Variants in RYR2 observed in about 807,000 individuals in gnomAD.
The protein encoded by RYR2 is ryanodine receptor 2, also known as cardiac muscle ryanodine receptor-calcium release channel.
Under a neutral mutation model 601.1 loss-of-function variants are expected in RYR2, and 227 were observed. The ratio of observed to expected loss-of-function variants is 0.38; its 90% CI spans 0.34 to 0.42. The LOEUF is 0.42. RYR2 is among the 10% of genes least tolerant of loss of function. The probability of loss-of-function intolerance (pLI) is 1.00; values close to 1 mark genes in which losing one functional copy is unlikely to be tolerated. For synonymous variants in RYR2, 2,223 were observed against 2,175.1 expected (o/e 1.02, Z -0.61); for missense variants, 4,646 against 6,156.5 (o/e 0.75, Z 8.21).
At chr1:237,362,221 A>G (rs908084442) in intron 4 of RYR2, among the ~76,000 whole-genome samples, 2 of 152,204 alleles carry the variant, frequency 1.3e-5, no homozygotes, top group African/African-American at 4.8e-5. Context: ...TTGTGTTTCT[A>G]TGCAAATTAA....
chr1:237,181,595 T>G (rs1678767661), intron 1 of RYR2, among the ~76,000 whole-genome samples: 6 of 152,002 alleles, frequency 3.9e-5, no homozygotes, highest in Admixed American at 3.9e-4. Context: ...GCTGAGACTC[T>G]CATACATACA....
intron 2 of RYR2, among the ~76,000 whole-genome samples, chr1:237,302,195 T>C (rs1490910796): frequency 1.3e-5 from 2 of 152,176 alleles, no homozygotes; most frequent in Non-Finnish European, 2.9e-5. Context: ...CAAAAGCTTT[T>C]CTGTTATTTT....
intron 2 of RYR2, among the ~76,000 whole-genome samples, chr1:237,272,490 C>G (rs1383815442): frequency 6.6e-6 from 1 of 151,126 alleles, no homozygotes; most frequent in South Asian, 2.1e-4. Context: ...CAATTTTTGT[C>G]TGGACATTTG....
chr1:237,328,024 A>G (rs553333906), intron 2 of RYR2, among the ~76,000 whole-genome samples: 3 of 152,360 alleles, frequency 2.0e-5, no homozygotes, highest in African/African-American at 7.2e-5. Context: ...GCTCTTAGAC[A>G]CTGCCAAGGG....
chr1:237,557,519 A>G (rs1671026221), intron 27 of RYR2, among the ~76,000 whole-genome samples: 1 of 152,268 alleles, frequency 6.6e-6, no homozygotes, highest in East Asian at 1.9e-4. Flanking sequence ...TGGAGTTTGA[A>G]AAGTGGCAGT....
In RYR2 at chr1:237,781,663, CTT is replaced by C. The variant is rs1558399659; in HGVS notation, c.11962+20_11962+21del. 1 of 1,312,954 alleles carries C rather than the reference CTT, an allele frequency of 7.6e-7. No individual in the cohort carries two copies. 81.3% of individuals were successfully genotyped at this position (1,312,954 alleles called of 1,614,324 possible). On this transcript the variant is annotated intron_variant, in intron 89 of 104. Transcript: ENST00000366574. ...TGTTAGAAGGTAGTTTTGATTTATA[CTT>C]TTAAATTCTCTTTATTATCTTATTT...
intron 1 of RYR2, among the ~76,000 whole-genome samples, chr1:237,137,016 CAAAAAAA>C (rs1167110660): frequency 0.037 from 1,505 of 41,184 alleles, 36 homozygotes; most frequent in African/African-American, 0.12. Flanking sequence ...GACTCCATCT[CAAAAAAA>C]AAAAAAAAAA....
intron 10 of RYR2, among the ~76,000 whole-genome samples, chr1:237,405,575 A>G (rs4233472): frequency 0.83 from 126,030 of 152,122 alleles, 52,843 homozygotes; most frequent in East Asian, 1. Context: ...ATTTAATTCC[A>G]TCAGAGATGT....
intron 40 of RYR2, 85 bp from the exon 41 acceptor site, chr1:237,627,722 G>C (rs752281340): frequency 2.3e-5 from 31 of 1,345,086 alleles, no homozygotes; most frequent in Admixed American, 8.2e-5. Flanking sequence ...TACCAATTTG[G>C]GGGTACAGGA....
In RYR2 at chr1:237,614,699, G is replaced by A. The variant is rs371934582; in HGVS notation, c.5571G>A (p.Pro1857=). The change falls in exon 37 of 105, where the codon CCG becomes CCA. Residue 1857 remains proline, a synonymous_variant. Transcript: ENST00000366574. The surrounding 1 kb of genome is among the most constrained non-coding windows in gnomAD (Gnocchi z 4.3). ...EPSVFKEAAT[P]EEESDTLEKE... is the part of the protein sequence containing the mutation. ...GTGTGTTTAAAGAAGCTGCCACTCC[G>A]GAGGAGGAGAGTGACACGCTGGAGA... The A allele has an allele frequency of 9.9e-5, 160 of 1,613,888 alleles. 1 individual carries two copies. Among genetic ancestry groups the A allele is most frequent in the Admixed American group, 2.5e-4 (15 of 60,004 alleles).
chr1:237,136,839 A>C (rs1376111650), intron 1 of RYR2, among the ~76,000 whole-genome samples: 1 of 151,972 alleles, frequency 6.6e-6, no homozygotes, highest in East Asian at 1.9e-4. Context: ...AACATGGTGA[A>C]ACCCCATCTC....
chr1:237,680,120 G>A (rs1378531102), intron 61 of RYR2, among the ~76,000 whole-genome samples: 2 of 152,158 alleles, frequency 1.3e-5, no homozygotes, highest in African/African-American at 4.8e-5. Context: ...TTCACACATA[G>A]TAGAGACTCA....
chr1:237,303,481 G>C (rs1352660439), intron 2 of RYR2, among the ~76,000 whole-genome samples: 1 of 151,638 alleles, frequency 6.6e-6, no homozygotes, highest in Non-Finnish European at 1.5e-5. Flanking sequence ...TGTATTTTTA[G>C]TAGAGACGGG....
In RYR2 at chr1:237,643,308, T is replaced by G; in HGVS notation, c.7222-19T>G. On this transcript the variant is annotated intron_variant, in intron 47 of 104. Transcript: ENST00000366574. ...TGATGTCACAAAGTTGTTCTAATGT[T>G]TTTTTTTCCCCTGTATAGTTGATTC... 6.2e-7 allele frequency: 1 copy of G among 1,607,048 alleles called. No individual in the cohort carries two copies. The highest frequency in any genetic ancestry group is 2.2e-5 in the East Asian group (1 of 44,726).
chr1:237,302,372 A>G (rs1174897155), intron 2 of RYR2, among the ~76,000 whole-genome samples: 1 of 152,220 alleles, frequency 6.6e-6, no homozygotes, highest in East Asian at 1.9e-4. Context: ...AAAAATTCAA[A>G]TAGGGATATA....
intron 35 of RYR2, among the ~76,000 whole-genome samples, chr1:237,605,820 G>T (rs1677060286): frequency 6.6e-6 from 1 of 151,988 alleles, no homozygotes; most frequent in African/African-American, 2.4e-5. Context: ...ATTCACAATT[G>T]CTTCCAAGAG....
At chr1:237,584,916 T>A (rs1008082551) in intron 29 of RYR2, among the ~76,000 whole-genome samples, 1 of 152,016 alleles carries the variant, frequency 6.6e-6, no homozygotes. Flanking sequence ...ATTTTTTTTT[T>A]TTCTTGTAGA....
At chr1:237,321,961 C>T (rs1460610477) in intron 2 of RYR2, among the ~76,000 whole-genome samples, 4 of 152,152 alleles carry the variant, frequency 2.6e-5, no homozygotes, top group Non-Finnish European at 5.9e-5. Flanking sequence ...GACTATAGGG[C>T]AGGCTGGTTA....
At chr1:237,623,921 T>C in intron 39 of RYR2, 51 bp downstream of exon 39, 1 of 1,218,606 alleles carries the variant, frequency 8.2e-7, no homozygotes, top group Non-Finnish European at 1.2e-6. Context: ...TTTTAATCCA[T>C]ATATCCTGAG....
Sources: gnomAD v4.1 joint callset for allele counts (sites outside exome capture counted in the v4.1 genomes callset) on GRCh38, gnomAD v4.1.1 for gene constraint, Gnocchi (gnomAD v3.1) non-coding constraint, MANE v1.5 for transcripts, NCBI Gene and HGNC (gene_info 2026-07-23, HGNC 2026-07-21) for gene names.